LGALS14: variants seen among roughly 807,000 people sequenced by gnomAD.
LGALS14 encodes placental protein 13-like.
Under a neutral mutation model 14.6 loss-of-function variants are expected in LGALS14, and 14 were observed. The observed-to-expected ratio is 0.96, with a 90% CI of 0.64 to 1.50. The LOEUF (loss-of-function observed/expected upper bound fraction) is 1.50, where lower values mean the gene tolerates loss of function less well. Ranked by LOEUF, LGALS14 falls within the 40% of genes most tolerant of loss-of-function variation. The pLI is 0.00. For synonymous variants in LGALS14, 57 were observed against 63.9 expected, an observed-to-expected ratio of 0.89 and a Z score of 0.51; for missense variants, 180 against 172.0, an observed-to-expected ratio of 1.05 and a Z score of -0.26.
At chr19:39,707,504 G>C (rs746938020) in intron 3 of LGALS14, 116 bp downstream of exon 3, 1 of 820,942 alleles carries the variant, frequency 1.2e-6, no homozygotes, top group East Asian at 2.5e-5. Context: ...AACTATTCCT[G>C]TTTCAGGTTT....
At chr19:39,705,458 T>C (rs1973699621) in intron 1 of LGALS14, among the ~76,000 whole-genome samples, 1 of 152,142 alleles carries the variant, frequency 6.6e-6, no homozygotes, top group South Asian at 2.1e-4. Flanking sequence ...AAATATCCAC[T>C]GTAAGCTCTG....
intron 3 of LGALS14, among the ~76,000 whole-genome samples, chr19:39,707,943 G>A (rs866563825): frequency 6.6e-5 from 10 of 151,964 alleles, no homozygotes; most frequent in Admixed American, 1.3e-4. Flanking sequence ...CCAAGTAGCC[G>A]GAATTACAGG....
At chr19:39,705,780 T>C in intron 1 of LGALS14, 1 of 1,130,106 alleles carries the variant, frequency 8.8e-7, no homozygotes, top group Non-Finnish European at 1.3e-6. Flanking sequence ...AGGAGTTCGA[T>C]GTTTCAGTGA....
chr19:39,704,671 G>A, intron 1 of LGALS14, 128 bp downstream of exon 1: 1 of 859,944 alleles, frequency 1.2e-6, no homozygotes, highest in Non-Finnish European at 1.9e-6. Context: ...TTGTGGGTGT[G>A]TAGAAGAGAA....
chr19:39,708,872 C>A (rs1047498250), intron 3 of LGALS14, among the ~76,000 whole-genome samples: 31 of 152,180 alleles, frequency 2.0e-4, no homozygotes, highest in Admixed American at 1.0e-3. Flanking sequence ...AGGTCCTGTG[C>A]GAGATGCAGG....
Position 39,709,250 on chromosome 19 carries a change from A to C in LGALS14, c.357A>C (p.Ala119=). The C allele has an allele frequency of 6.2e-7, 1 of 1,613,736 alleles. No individual in the cohort carries two copies. The highest frequency in any genetic ancestry group is 1.1e-5 in the South Asian group (1 of 91,074). Residue 119 remains alanine, a synonymous_variant, in exon 4 of 4, where the codon GCA becomes GCC. Transcript: ENST00000392052. ...IYNFAHRFPP[A]SVKMLQVFRD... ...ACTTTGCCCATCGATTCCCGCCAGCATCTGTGAAGATGCTGCAAGTCTTCA... is the reference window on the plus strand; with the variant it reads ...ACTTTGCCCATCGATTCCCGCCAGCCTCTGTGAAGATGCTGCAAGTCTTCA...
intron 1 of LGALS14, 83 bp from the exon 2 acceptor site, chr19:39,706,514 A>G: frequency 1.0e-6 from 1 of 996,578 alleles, no homozygotes; most frequent in Admixed American, 1.8e-5. Flanking sequence ...TTGATCTCTA[A>G]CCTCCTGCAC....
intron 2 of LGALS14, 85 bp from the exon 3 acceptor site, chr19:39,707,093 A>C: frequency 9.2e-7 from 1 of 1,091,944 alleles, no homozygotes; most frequent in Non-Finnish European, 1.4e-6. Flanking sequence ...CCCTGGGTAA[A>C]GGGGGGAAGG....
At position 39,707,231 on chromosome 19, in the gene LGALS14, A is replaced by G. The variant is rs757437084; in HGVS notation, c.146A>G (p.Asp49Gly). The change falls in exon 3 of 4, where the codon GAT (aspartate) becomes GGT (glycine). Residue 49 changes from aspartate to glycine, a missense_variant. Transcript: ENST00000392052. ...TACACTGGGATGGATGAGGACTCAG[A>G]TATTGCTTTCCAATTCCGACTGCAC... ...NFYTGMDEDS[D>G]IAFQFRLHFG... The G allele has an allele frequency of 6.2e-7, 1 of 1,614,128 alleles. No homozygotes were observed. Among genetic ancestry groups the G allele is most frequent in the South Asian group, 1.1e-5 (1 of 91,080 alleles).
chr19:39,704,840 G>A (rs1973691926), intron 1 of LGALS14, among the ~76,000 whole-genome samples: 1 of 152,142 alleles, frequency 6.6e-6, no homozygotes. Flanking sequence ...GGACCGGCAA[G>A]TGTGTGAGTG....
Position 39,709,393 on chromosome 19 carries a change from T to C in LGALS14, c.*80T>C. On this transcript the variant is annotated 3_prime_UTR_variant, in exon 4 of 4. Coordinates refer to ENST00000392052, the MANE Select transcript of LGALS14 (RefSeq NM_020129.3). ...GGATTCCCAGAGCCTACTAACAGAATAATCCCTCCTCACCCCTTCCCCTAC... is the reference window on the plus strand; with the variant it reads ...GGATTCCCAGAGCCTACTAACAGAACAATCCCTCCTCACCCCTTCCCCTAC... 2.5e-6 allele frequency: 2 copies of C among 799,466 alleles called. No individual in the cohort carries two copies. Among genetic ancestry groups the C allele is most frequent in the Non-Finnish European group, 4.4e-6 (2 of 456,472 alleles). The allele number at this position is 799,466 out of a possible 1,614,324, so 49.5% of individuals were successfully genotyped here.
intron 3 of LGALS14, among the ~76,000 whole-genome samples, chr19:39,708,717 C>T (rs1414724666): frequency 6.6e-6 from 1 of 152,186 alleles, no homozygotes; most frequent in Admixed American, 6.5e-5. Context: ...TCTCTAAGAA[C>T]CCTGGGTTTC....
At chr19:39,708,919 G>A (rs1973757328) in intron 3 of LGALS14, among the ~76,000 whole-genome samples, 1 of 152,218 alleles carries the variant, frequency 6.6e-6, no homozygotes, top group Non-Finnish European at 1.5e-5. Flanking sequence ...TGGTGATGGG[G>A]ATCTTCCAGG....
intron 3 of LGALS14, among the ~76,000 whole-genome samples, chr19:39,708,402 T>A (rs1404167350): frequency 6.6e-6 from 1 of 152,186 alleles, no homozygotes; most frequent in Non-Finnish European, 1.5e-5. Flanking sequence ...TATTAAGTTT[T>A]ATAGTCAATC....
intron 1 of LGALS14, among the ~76,000 whole-genome samples, chr19:39,704,941 C>G (rs1483685125): frequency 6.6e-6 from 1 of 152,110 alleles, no homozygotes. Context: ...TCTTTATGTG[C>G]ACAGTGAGCA....
At chr19:39,706,113 A>T in intron 1 of LGALS14, 2 of 1,481,624 alleles carry the variant, frequency 1.3e-6, no homozygotes, top group Non-Finnish European at 1.8e-6. Context: ...AAATTCTTTC[A>T]CCCTCAAGTC....
intron 2 of LGALS14, 118 bp downstream of exon 2, chr19:39,706,791 T>A: frequency 1.1e-6 from 1 of 875,176 alleles, no homozygotes; most frequent in Non-Finnish European, 1.9e-6. Flanking sequence ...GAAGGCCTCA[T>A]GCAAGTGCAG....
intron 1 of LGALS14, 88 bp from the exon 2 acceptor site, chr19:39,706,509 C>A: frequency 2.1e-6 from 2 of 955,996 alleles, no homozygotes; most frequent in South Asian, 1.4e-5. Context: ...GACCTTTGAT[C>A]TCTAACCTCC....
At chr19:39,705,026 A>G (rs984977204) in intron 1 of LGALS14, among the ~76,000 whole-genome samples, 5 of 152,034 alleles carry the variant, frequency 3.3e-5, no homozygotes, top group Non-Finnish European at 7.4e-5. Flanking sequence ...CTGGGTATTG[A>G]AGGGAAAACA....
Sources: allele counts gnomAD v4.1 joint callset (sites outside exome capture counted in the v4.1 genomes callset), GRCh38; gene constraint gnomAD v4.1.1; transcripts MANE v1.5; gene names NCBI Gene and HGNC (gene_info 2026-07-23, HGNC 2026-07-21).